PSME4: variants seen among roughly 807,000 people sequenced by gnomAD.
The protein encoded by PSME4 is proteasome activator complex subunit 4.
A neutral mutation model predicts 253.9 loss-of-function variants in PSME4; 89 were observed. The ratio of observed to expected loss-of-function variants is 0.35; its 90% confidence interval spans 0.30 to 0.42. The LOEUF (loss-of-function observed/expected upper bound fraction) is 0.42, where lower values mean the gene tolerates loss of function less well. PSME4 is among the 10% of genes least tolerant of loss of function. The pLI is 1.00. For synonymous variants in PSME4, 851 were observed against 759.2 expected (o/e 1.12, Z -1.99); for missense variants, 2,014 against 2,195.2 (o/e 0.92, Z 1.65).
intron 44 of PSME4, among the ~76,000 whole-genome samples, chr2:53,867,322 T>C (rs1440147051): frequency 6.6e-6 from 1 of 151,996 alleles, no homozygotes; most frequent in Non-Finnish European, 1.5e-5. Flanking sequence ...TTGGCCAACG[T>C]GGCGAAACCC....
chr2:53,878,953 T>A (rs1282838249), intron 41 of PSME4, among the ~76,000 whole-genome samples: 1 of 152,198 alleles, frequency 6.6e-6, no homozygotes, highest in African/African-American at 2.4e-5. Flanking sequence ...CTGCCTCCCC[T>A]TTTGAAAATC....
chr2:53,889,609 T>G (rs541243594), intron 37 of PSME4, among the ~76,000 whole-genome samples: 32 of 152,212 alleles, frequency 2.1e-4, no homozygotes, highest in Non-Finnish European at 4.3e-4. Context: ...AACTCAAATG[T>G]GACTATCGCA....
At chr2:53,917,902 A>T (rs922444442) in intron 20 of PSME4, among the ~76,000 whole-genome samples, 7 of 152,230 alleles carry the variant, frequency 4.6e-5, no homozygotes, top group African/African-American at 1.7e-4. Flanking sequence ...ATGAAAAACA[A>T]AAGTTCTTTA....
intron 1 of PSME4, among the ~76,000 whole-genome samples, chr2:53,969,029 C>G (rs1558438051): frequency 6.6e-6 from 1 of 152,132 alleles, no homozygotes; most frequent in South Asian, 2.1e-4. Context: ...AAGTCTAATC[C>G]AAGTGATTAA....
Position 53,956,860 on chromosome 2 carries a change from T to C in PSME4, c.243-7577A>G, listed in dbSNP as rs528954072. On this transcript the variant is annotated intron_variant, in intron 1 of 46. Coordinates refer to ENST00000404125, the MANE Select transcript of PSME4 (RefSeq NM_014614.3). The stretch of plus-strand genomic sequence containing the variant: ...CTGCATTTCTGTGTATTATCTTAAT[T>C]TAAATGTCCCTTATCAAAGGCTACT... Among the ~76,000 whole-genome samples, 144 of 152,314 alleles carry C rather than the reference T, an allele frequency of 9.5e-4. 2 individuals carry two copies. The South Asian group carries it at 0.03, about 32-fold the overall frequency.
At chr2:53,876,702 T>C (rs1023825497) in intron 41 of PSME4, among the ~76,000 whole-genome samples, 1 of 149,650 alleles carries the variant, frequency 6.7e-6, no homozygotes, top group African/African-American at 2.5e-5. Flanking sequence ...CTGATGGCTG[T>C]AGCCACTGTC....
At position 53,940,970 on chromosome 2, in the gene PSME4, T is replaced by TTTAA. The variant is rs1214086247; in HGVS notation, c.501-971_501-970insTTAA. ...ATATATACATATATATATATATATA[T>TTTAA]ATATATATATATATATATATATATA... On this transcript the variant is annotated intron_variant, in intron 3 of 46. Transcript: ENST00000404125. Among the ~76,000 whole-genome samples the TTTAA allele has an allele frequency of 1.8e-4, 12 of 67,060 alleles. 1 individual carries two copies. Among genetic ancestry groups the TTTAA allele is most frequent in the Admixed American group, 3.2e-4 (2 of 6,222 alleles). The allele number at this position is 67,060 out of a possible 152,430, so 44.0% of individuals were successfully genotyped here. A position where few individuals can be genotyped will look rare whatever the true frequency, so the allele number is the denominator to read the frequency against.
intron 41 of PSME4, among the ~76,000 whole-genome samples, chr2:53,876,894 T>A (rs1263344013): frequency 4.0e-5 from 6 of 151,278 alleles, no homozygotes; most frequent in Admixed American, 6.6e-5. Context: ...TTTTTTTTTT[T>A]AAATGTATGG....
chr2:53,968,696 A>G (rs1171106750), intron 1 of PSME4, among the ~76,000 whole-genome samples: 1 of 152,248 alleles, frequency 6.6e-6, no homozygotes, highest in African/African-American at 2.4e-5. Context: ...TTATTTAGCT[A>G]TAAATGGTTA....
rs1274338127 is a variant in PSME4, at chr2:53,898,200, A to C, written c.3476+101T>G. The C allele has an allele frequency of 3.1e-6, 4 of 1,274,388 alleles. No homozygotes were observed. The African/African-American group carries it at 4.5e-5, about 14-fold the overall frequency. The allele number at this position is 1,274,388 out of a possible 1,614,324, so 78.9% of individuals were successfully genotyped here. A position where few individuals can be genotyped will look rare whatever the true frequency, so the allele number is the denominator to read the frequency against. ...TGCTTCCAAATACACAAACCGGAAT[A>C]TAACTTTTTGTGACATAGTCATTCA... On this transcript the variant is annotated intron_variant, in intron 30 of 46. Coordinates refer to ENST00000404125, the MANE Select transcript of PSME4 (RefSeq NM_014614.3).
intron 44 of PSME4, 118 bp from the exon 45 acceptor site, chr2:53,866,998 A>C (rs1678597528): frequency 1.0e-6 from 1 of 968,528 alleles, no homozygotes. Flanking sequence ...TCTGCATTTA[A>C]AATGAATCTA....
At chr2:53,866,336 CAA>C in intron 45 of PSME4, 113 bp from the exon 46 acceptor site, 1 of 1,157,376 alleles carries the variant, frequency 8.6e-7, no homozygotes, top group South Asian at 1.7e-5. Flanking sequence ...CACACAATAC[CAA>C]GTTCTACAAA....
chr2:53,922,435 T>C, intron 17 of PSME4, 82 bp downstream of exon 17: 1 of 1,434,470 alleles, frequency 7.0e-7, no homozygotes, highest in Non-Finnish European at 9.7e-7. Context: ...TGTTTTAAAG[T>C]CATTTTGTCA....
chr2:53,883,553 T>C (rs1382638392), intron 41 of PSME4, among the ~76,000 whole-genome samples: 2 of 152,214 alleles, frequency 1.3e-5, no homozygotes, highest in Admixed American at 1.3e-4. Context: ...GATATGAATG[T>C]TGTTGACCAT....
chr2:53,934,768 C>G (rs1669026157), intron 7 of PSME4, 41 bp from the exon 8 acceptor site: 2 of 1,457,152 alleles, frequency 1.4e-6, no homozygotes, highest in African/African-American at 1.4e-5. Context: ...TTACAGGTAT[C>G]AAAATAATTC....
At chr2:53,920,573 G>C (rs1668268961) in intron 18 of PSME4, among the ~76,000 whole-genome samples, 1 of 152,198 alleles carries the variant, frequency 6.6e-6, no homozygotes. Flanking sequence ...ATTATAATAT[G>C]AGTTTGCTCT....
rs1012682169 is a variant in PSME4 at position 53,875,758 on chromosome 2, A to G, written c.4816-3T>C. Reference sequence around the variant, plus strand: ...TTGTCATTTTCCACTGGGGCAATCTAAAAAACAATGTAAAAAGGACAAAAA... The same window carrying G: ...TTGTCATTTTCCACTGGGGCAATCTGAAAAACAATGTAAAAAGGACAAAAA... On this transcript the variant is annotated splice_polypyrimidine_tract_variant and splice_region_variant and intron_variant, in intron 41 of 46. Coordinates refer to ENST00000404125, the MANE Select transcript of PSME4 (RefSeq NM_014614.3). 3.0e-5 allele frequency: 49 copies of G among 1,609,702 alleles called. No homozygotes were observed. The Middle Eastern group carries it at 2.0e-3, about 65-fold the overall frequency.
chr2:53,922,626 T>A, intron 16 of PSME4, 42 bp from the exon 17 acceptor site: 2 of 1,587,808 alleles, frequency 1.3e-6, no homozygotes, highest in Non-Finnish European at 1.7e-6. Flanking sequence ...AACCTATGCA[T>A]TCAACTAAAT....
At chr2:53,906,951 T>C (rs1405618328) in intron 24 of PSME4, 83 bp from the exon 25 acceptor site, 4 of 1,303,824 alleles carry the variant, frequency 3.1e-6, no homozygotes, top group Non-Finnish European at 4.4e-6. Flanking sequence ...CCTTAATAAG[T>C]GGTCAAAAAG....
Sources: allele counts gnomAD v4.1 joint callset (sites outside exome capture counted in the v4.1 genomes callset), GRCh38; gene constraint gnomAD v4.1.1; transcripts MANE v1.5; gene names NCBI Gene and HGNC (gene_info 2026-07-23, HGNC 2026-07-21).